The following CHFR variants were observed in gnomAD, a reference collection of about 807,000 sequenced individuals.
CHFR encodes E3 ubiquitin-protein ligase CHFR.
A neutral mutation model predicts 87.6 loss-of-function variants in CHFR; 57 were observed. The observed-to-expected ratio is 0.65, with a 90% confidence interval of 0.53 to 0.81. CHFR has a LOEUF of 0.81. Among genes scored for constraint, CHFR ranks in the 30% least tolerant of loss-of-function variants. CHFR has a pLI of 0.00. For synonymous variants in CHFR, 381 were observed against 359.2 expected (o/e 1.06, Z -0.69); for missense variants, 797 against 865.8 (o/e 0.92, Z 1.00).
intron 16 of CHFR, among the ~76,000 whole-genome samples, chr12:132,843,689 G>A (rs1433094778): frequency 4.0e-5 from 6 of 151,826 alleles, no homozygotes; most frequent in Non-Finnish European, 7.4e-5. Context: ...AGTGCTGGCC[G>A]AGCGTGGTGG....
At chr12:132,860,740 G>A (rs1436466894) in intron 7 of CHFR, among the ~76,000 whole-genome samples, 2 of 152,206 alleles carry the variant, frequency 1.3e-5, no homozygotes, top group African/African-American at 4.8e-5. Flanking sequence ...TACCAGGACA[G>A]AGGGCTTTCT....
chr12:132,847,110 A>T lies in CHFR; in HGVS notation c.1668T>A (p.Gly556=). The T allele has an allele frequency of 6.2e-7, 1 of 1,613,786 alleles. No homozygotes were observed. Among genetic ancestry groups the T allele is most frequent in the Non-Finnish European group, 8.5e-7 (1 of 1,179,826 alleles). Residue 556 remains glycine (G), a synonymous_variant, in exon 15 of 18, where the codon GGT becomes GGA. Coordinates refer to ENST00000450056, the MANE Select transcript of CHFR (RefSeq NM_001161346.2). ...CGGTCAACATGTTTTTCCATGTCAA[A>T]CCTCTGGTTGCCAGGTAATTCTGTG... The part of the protein sequence containing the change: ...DILKNYLATR[G]LTWKNMLTES...
chr12:132,879,624 C>T (rs966033768), intron 2 of CHFR, among the ~76,000 whole-genome samples: 1 of 151,968 alleles, frequency 6.6e-6, no homozygotes, highest in East Asian at 1.9e-4. Flanking sequence ...CTCTTGACCT[C>T]GTGATATGCC....
intron 17 of CHFR, 80 bp downstream of exon 17, chr12:132,842,931 C>A: frequency 8.6e-7 from 1 of 1,162,192 alleles, no homozygotes; most frequent in Non-Finnish European, 1.3e-6. Context: ...AGCATAATGA[C>A]CATATCAGCC....
chr12:132,856,316 A>G (rs1951069728), intron 10 of CHFR, 152 bp downstream of exon 10: 4 of 808,864 alleles, frequency 4.9e-6, no homozygotes, highest in South Asian at 4.9e-5. Flanking sequence ...ATCCAATATC[A>G]GAAAACAAGC....
chr12:132,851,078 C>T (rs1950933447), intron 12 of CHFR, among the ~76,000 whole-genome samples: 1 of 151,790 alleles, frequency 6.6e-6, no homozygotes, highest in Middle Eastern at 3.4e-3. Flanking sequence ...GCAACCTCCT[C>T]CTCTCGGACT....
chr12:132,836,881 CA>C lies in CHFR; in HGVS notation c.*4672del. The C allele has an allele frequency of 2.5e-6, 1 of 400,900 alleles. No homozygotes were observed. The highest frequency in any genetic ancestry group is 5.0e-6 in the Non-Finnish European group (1 of 201,470). 24.8% of individuals were successfully genotyped at this position (400,900 alleles called of 1,614,324 possible). A position where few individuals can be genotyped will look rare whatever the true frequency, so the allele number is the denominator to read the frequency against. On this transcript the variant is annotated 3_prime_UTR_variant, in exon 18 of 18. Transcript: ENST00000450056. Reference sequence around the variant, plus strand: ...CTGCCCTGGGGCCAAACATTTCAGACAAATAAACAACAGTGGGCAGACAGGC... The same window carrying C: ...CTGCCCTGGGGCCAAACATTTCAGACAATAAACAACAGTGGGCAGACAGGC...
Position 132,869,802 on chromosome 12 carries a change from T to C in CHFR, c.404-4A>G. The C allele has an allele frequency of 6.4e-7, 1 of 1,551,398 alleles. No homozygotes were observed. Among genetic ancestry groups the C allele is most frequent in the Non-Finnish European group, 8.7e-7 (1 of 1,146,976 alleles). ...CCTGCACCTGCACCTGAGGTATCTT[T>C]GGTCCCATGGAACACATTTTCCTTG... On this transcript the variant is annotated splice_region_variant and splice_polypyrimidine_tract_variant and intron_variant, in intron 5 of 17. Coordinates refer to ENST00000450056, the MANE Select transcript of CHFR (RefSeq NM_001161346.2).
rs1951153058 is a variant in CHFR, at chr12:132,859,078, C to T, written c.901G>A (p.Asp301Asn). 2.1e-5 allele frequency: 34 copies of T among 1,613,232 alleles called. No homozygotes were observed. The highest frequency in any genetic ancestry group is 2.6e-5 in the Non-Finnish European group (31 of 1,179,600). ...TCIICQDLLH[D>N]CVSLQPCMHT... ...TGAACACGGTCGCACCTCACGCAGT[C>T]GTGCAGCAGGTCCTGGCAGATGATG... The change falls in exon 8 of 18, where the codon GAC becomes AAC. Residue 301 changes from aspartate to asparagine, a missense_variant. Transcript: ENST00000450056.
intron 7 of CHFR, among the ~76,000 whole-genome samples, chr12:132,860,900 G>C (rs1315905232): frequency 6.6e-6 from 1 of 152,146 alleles, no homozygotes; most frequent in East Asian, 1.9e-4. Flanking sequence ...TTACAGGCAT[G>C]CACCACCACA....
chr12:132,880,732 CG>C (rs1566206060), intron 2 of CHFR, among the ~76,000 whole-genome samples: 12 of 148,736 alleles, frequency 8.1e-5, no homozygotes, highest in Non-Finnish European at 1.5e-5. Flanking sequence ...GTTGGGAGGC[CG>C]AGGCGGGCGG....
In CHFR at chr12:132,835,517, C is replaced by T. The variant is rs571277098; in HGVS notation, c.*6037G>A. ...TGAGGCCACTGGTGTGGGCCCTAATCCAATAGGACTGGTGTCCTCGCAGGA... is the reference window on the plus strand; with the variant it reads ...TGAGGCCACTGGTGTGGGCCCTAATTCAATAGGACTGGTGTCCTCGCAGGA... On this transcript the variant is annotated 3_prime_UTR_variant, in exon 18 of 18. Transcript: ENST00000450056. 60 of 158,150 alleles carry T rather than the reference C, an allele frequency of 3.8e-4. No individual in the cohort carries two copies. The highest frequency in any genetic ancestry group is 7.0e-4 in the Non-Finnish European group (50 of 71,550). The allele number at this position is 158,150 out of a possible 1,614,324, so 9.8% of individuals were successfully genotyped here. A position where few individuals can be genotyped will look rare whatever the true frequency, so the allele number is the denominator to read the frequency against.
chr12:132,873,585 A>G (rs919266830), intron 3 of CHFR, among the ~76,000 whole-genome samples: 2 of 148,876 alleles, frequency 1.3e-5, no homozygotes, highest in Admixed American at 1.3e-4. Flanking sequence ...GGGTGCATGC[A>G]GGGGCGCTGG....
At chr12:132,868,539 G>C (rs1382417409) in intron 6 of CHFR, among the ~76,000 whole-genome samples, 1 of 152,102 alleles carries the variant, frequency 6.6e-6, no homozygotes, top group African/African-American at 2.4e-5. Context: ...AATTAGCTGG[G>C]CGTGGTTGCA....
chr12:132,881,456 G>T (rs1951768108), intron 2 of CHFR, among the ~76,000 whole-genome samples: 1 of 152,146 alleles, frequency 6.6e-6, no homozygotes, highest in Non-Finnish European at 1.5e-5. Context: ...CTTTATCAAA[G>T]AAGAGATATG....
At chr12:132,842,671 G>A (rs563131888) in intron 17 of CHFR, among the ~76,000 whole-genome samples, 4 of 152,350 alleles carry the variant, frequency 2.6e-5, no homozygotes, top group African/African-American at 7.2e-5. Context: ...CGGGACGGAC[G>A]AGAACCCAGC....
intron 3 of CHFR, among the ~76,000 whole-genome samples, chr12:132,872,826 G>C (rs144830406): frequency 6.6e-6 from 1 of 152,332 alleles, no homozygotes; most frequent in Non-Finnish European, 1.5e-5. Flanking sequence ...CCTCCCAAGA[G>C]ACTGGCTCTG....
At chr12:132,873,494 AT>A (rs1951540455) in intron 3 of CHFR, among the ~76,000 whole-genome samples, 2 of 152,186 alleles carry the variant, frequency 1.3e-5, no homozygotes, top group African/African-American at 4.8e-5. Flanking sequence ...GAGGGAATGA[AT>A]CCCACACATA....
chr12:132,881,700 T>C (rs1951772942), intron 2 of CHFR, among the ~76,000 whole-genome samples: 1 of 151,994 alleles, frequency 6.6e-6, no homozygotes. Context: ...ACCCCGTCTC[T>C]ACTAAAGATA....
Sources: allele counts gnomAD v4.1 joint callset (sites outside exome capture counted in the v4.1 genomes callset), GRCh38; gene constraint gnomAD v4.1.1; transcripts MANE v1.5; gene names NCBI Gene and HGNC (gene_info 2026-07-23, HGNC 2026-07-21).